KCMF1: variants seen among roughly 807,000 people sequenced by gnomAD.
KCMF1 encodes potassium channel modulatory factor 1.
A neutral mutation model predicts 41.1 loss-of-function variants in KCMF1; 3 were observed. That is an observed-to-expected ratio of 0.07 (90% CI 0.03 to 0.19). KCMF1 has a LOEUF of 0.19. Among genes scored for constraint, KCMF1 ranks in the 10% least tolerant of loss-of-function variants. The probability of loss-of-function intolerance (pLI) is 1.00; values close to 1 mark genes in which losing one functional copy is unlikely to be tolerated. For missense variants in KCMF1, 286 were observed against 488.9 expected, an observed-to-expected ratio of 0.58 and a Z score of 3.91; for synonymous variants, 142 against 164.5, an observed-to-expected ratio of 0.86 and a Z score of 1.04.
At chr2:85,024,066 T>G (rs886117434) in intron 1 of KCMF1, among the ~76,000 whole-genome samples, 1 of 152,224 alleles carries the variant, frequency 6.6e-6, no homozygotes, top group African/African-American at 2.4e-5. Flanking sequence ...ATCATTTACT[T>G]ACTGATATGT....
intron 3 of KCMF1, among the ~76,000 whole-genome samples, chr2:85,039,534 A>G (rs923328789): frequency 4.6e-5 from 7 of 152,214 alleles, no homozygotes; most frequent in Admixed American, 4.6e-4. Context: ...TAATGACTTC[A>G]GAAGGTATAT....
intron 3 of KCMF1, among the ~76,000 whole-genome samples, chr2:85,041,317 T>G (rs1043630136): frequency 1.3e-5 from 2 of 152,234 alleles, no homozygotes; most frequent in South Asian, 2.1e-4. Context: ...GGATCTTGAT[T>G]TTATTTTACA....
At chr2:84,976,457 C>T (rs530162365) in intron 1 of KCMF1, among the ~76,000 whole-genome samples, 2 of 152,108 alleles carry the variant, frequency 1.3e-5, no homozygotes, top group African/African-American at 2.4e-5. Context: ...CCACCCACCT[C>T]AGCCTCCTAA....
chr2:84,991,791 T>TGTGGTCTA (rs1204817761), intron 1 of KCMF1, among the ~76,000 whole-genome samples: 9 of 152,156 alleles, frequency 5.9e-5, no homozygotes, highest in Non-Finnish European at 1.2e-4. Flanking sequence ...TACCTCCAAC[T>TGTGGTCTA]GTGGTCTAGA....
chr2:84,978,439 ACAT>A (rs1001250717), intron 1 of KCMF1, among the ~76,000 whole-genome samples: 2 of 151,854 alleles, frequency 1.3e-5, no homozygotes, highest in African/African-American at 2.4e-5. Flanking sequence ...TATTTTCAAA[ACAT>A]CAACTTTATG....
chr2:85,034,804 T>C (rs1291989298), intron 2 of KCMF1, among the ~76,000 whole-genome samples: 1 of 152,124 alleles, frequency 6.6e-6, no homozygotes, highest in African/African-American at 2.4e-5. Context: ...GTATTTTTAG[T>C]AGACACGAGG....
At chr2:85,047,647 T>C (rs1675705576) in intron 5 of KCMF1, among the ~76,000 whole-genome samples, 1 of 148,506 alleles carries the variant, frequency 6.7e-6, no homozygotes, top group African/African-American at 2.5e-5. Context: ...TCACTGAGTC[T>C]AGTACATGAC....
At chr2:85,018,989 G>A (rs1329444675) in intron 1 of KCMF1, among the ~76,000 whole-genome samples, 2 of 151,602 alleles carry the variant, frequency 1.3e-5, no homozygotes, top group African/African-American at 2.4e-5. Flanking sequence ...CGCCCACCTC[G>A]GCCTCCCAAA....
At chr2:85,017,495 G>C (rs905776250) in intron 1 of KCMF1, among the ~76,000 whole-genome samples, 3 of 152,064 alleles carry the variant, frequency 2.0e-5, no homozygotes, top group Non-Finnish European at 4.4e-5. Flanking sequence ...CACACTTGGA[G>C]AGATGCAAGG....
intron 1 of KCMF1, among the ~76,000 whole-genome samples, chr2:85,002,860 A>G (rs918062513): frequency 1.3e-5 from 2 of 152,138 alleles, no homozygotes; most frequent in Non-Finnish European, 2.9e-5. Flanking sequence ...CATTCTGTCT[A>G]TATACTATAT....
intron 1 of KCMF1, among the ~76,000 whole-genome samples, chr2:84,998,468 T>G (rs923869639): frequency 2.3e-4 from 35 of 152,188 alleles, no homozygotes; most frequent in Admixed American, 2.0e-4. Flanking sequence ...AATACCTGAT[T>G]TGCAGTATAG....
Position 85,059,067 on chromosome 2 carries a change from C to T in KCMF1, c.*5658C>T, listed in dbSNP as rs1271423025. 2 of 152,178 alleles carry T rather than the reference C, an allele frequency of 1.3e-5. No homozygotes were observed. The highest frequency in any genetic ancestry group is 2.1e-4 in the South Asian group (1 of 4,828). 9.4% of individuals were successfully genotyped at this position (152,178 alleles called of 1,614,324 possible). ...AACAGACACAGGCCTCAGCCACTGT[C>T]GCTAGGGACTGAAGGAGAGTTCATG... On this transcript the variant is annotated 3_prime_UTR_variant, in exon 7 of 7. Transcript: ENST00000409785.
intron 1 of KCMF1, among the ~76,000 whole-genome samples, chr2:84,991,328 A>G (rs1674038748): frequency 6.6e-6 from 1 of 152,220 alleles, no homozygotes; most frequent in Non-Finnish European, 1.5e-5. Context: ...AGGGATGTCT[A>G]TTAGATGTTC....
At chr2:85,029,111 A>G (rs1675196549) in intron 2 of KCMF1, among the ~76,000 whole-genome samples, 2 of 152,102 alleles carry the variant, frequency 1.3e-5, no homozygotes, top group South Asian at 4.1e-4. Context: ...CTGAGACTAC[A>G]GGTGTGTGCC....
intron 1 of KCMF1, among the ~76,000 whole-genome samples, chr2:85,024,626 GAGAA>G (rs1405994842): frequency 1.6e-4 from 24 of 150,592 alleles, no homozygotes; most frequent in Non-Finnish European, 2.7e-4. Context: ...GTGTGAGAAA[GAGAA>G]AGATTTAAGA....
In KCMF1 at chr2:84,971,524, G is replaced by C. The variant is rs1479874974; in HGVS notation, c.16+57G>C. Reference sequence around the variant, plus strand: ...CCCGGGCCTCGGCCTACCCCGCCCGGGCCGGGCGCGGCGGAGGGCGGCCGG... The same window carrying C: ...CCCGGGCCTCGGCCTACCCCGCCCGCGCCGGGCGCGGCGGAGGGCGGCCGG... On this transcript the variant is annotated intron_variant, in intron 1 of 6. Coordinates refer to ENST00000409785, the MANE Select transcript of KCMF1 (RefSeq NM_020122.5). 5.7e-6 allele frequency: 6 copies of C among 1,044,926 alleles called. 1 individual carries two copies. The highest frequency in any genetic ancestry group is 3.8e-4 in the Middle Eastern group (1 of 2,626). 64.7% of individuals were successfully genotyped at this position (1,044,926 alleles called of 1,614,324 possible). A position where few individuals can be genotyped will look rare whatever the true frequency, so the allele number is the denominator to read the frequency against.
At chr2:85,024,603 T>TGCGC (rs1374122141) in intron 1 of KCMF1, among the ~76,000 whole-genome samples, 39 of 151,858 alleles carry the variant, frequency 2.6e-4, no homozygotes, top group African/African-American at 9.4e-4. Context: ...TGTGTGTGTG[T>TGCGC]GTGCGCGTGT....
rs145892388 is a variant in KCMF1, at chr2:84,989,238, G to A, written c.16+17771G>A. Among the ~76,000 whole-genome samples the A allele has an allele frequency of 8.5e-4, 129 of 152,280 alleles. 1 individual carries two copies. In the East Asian group the frequency reaches 0.02, roughly 24 times the overall value. The stretch of plus-strand genomic sequence containing the variant: ...ATTATAATACAGTGTAGTAAGAACT[G>A]TAATAAATTTATATTTACCAGATAT... On this transcript the variant is annotated intron_variant, in intron 1 of 6. Coordinates refer to ENST00000409785, the MANE Select transcript of KCMF1 (RefSeq NM_020122.5).
chr2:85,011,215 C>A (rs1574023213), intron 1 of KCMF1, among the ~76,000 whole-genome samples: 1 of 152,100 alleles, frequency 6.6e-6, no homozygotes. Flanking sequence ...TTTAAGGTTT[C>A]TTCTGTGTAC....
Sources: allele counts gnomAD v4.1 joint callset (sites outside exome capture counted in the v4.1 genomes callset), GRCh38; gene constraint gnomAD v4.1.1; transcripts MANE v1.5; gene names NCBI Gene and HGNC (gene_info 2026-07-23, HGNC 2026-07-21).